Variants in PTPRD observed in about 807,000 individuals in gnomAD.
The protein encoded by PTPRD is receptor-type tyrosine-protein phosphatase delta.
In PTPRD, 34 loss-of-function variants were observed where a neutral mutation model predicts 214.5. The observed-to-expected ratio is 0.16, with a 90% CI of 0.12 to 0.21. The LOEUF (loss-of-function observed/expected upper bound fraction) is 0.21. PTPRD is among the 10% of genes least tolerant of loss of function. The pLI is 1.00. For synonymous variants in PTPRD, 1,128 were observed against 845.7 expected, an observed-to-expected ratio of 1.33 and a Z score of -5.79; for missense variants, 2,545 against 2,398.7, an observed-to-expected ratio of 1.06 and a Z score of -1.27.
intron 3 of PTPRD, among the ~76,000 whole-genome samples, chr9:10,283,419 A>G (rs1456367436): frequency 6.6e-6 from 1 of 152,228 alleles, no homozygotes; most frequent in Non-Finnish European, 1.5e-5. Flanking sequence ...CGAGGTCCTC[A>G]ACACGATAAG....
chr9:10,197,441 C>T (rs1396274778), intron 3 of PTPRD, among the ~76,000 whole-genome samples: 1 of 152,124 alleles, frequency 6.6e-6, no homozygotes, highest in Non-Finnish European at 1.5e-5. Context: ...ACATTAAAAA[C>T]TTTGCTTGGA....
In PTPRD at chr9:9,966,708, T is replaced by A. The variant is rs190409566; in HGVS notation, c.-471-28098A>T. Among the ~76,000 whole-genome samples the A allele has an allele frequency of 3.2e-4, 48 of 152,190 alleles. 1 individual carries two copies. Among genetic ancestry groups the A allele is most frequent in the African/African-American group, 8.4e-4 (35 of 41,538 alleles). On this transcript the variant is annotated intron_variant, in intron 4 of 45. Coordinates refer to ENST00000381196, the MANE Select transcript of PTPRD (RefSeq NM_002839.4). ...GTCCATCATATGAATGATGGCAGAT[T>A]TCAGTTGTACACTCCTTCGGTCAGT... is the stretch of plus-strand genomic sequence containing the variant.
chr9:8,996,167 T>C (rs935143823), intron 11 of PTPRD, among the ~76,000 whole-genome samples: 1 of 152,088 alleles, frequency 6.6e-6, no homozygotes, highest in African/African-American at 2.4e-5. Flanking sequence ...TATATTCAAA[T>C]GACTACAGCA....
chr9:10,372,124 A>C (rs2097637948), intron 2 of PTPRD, among the ~76,000 whole-genome samples: 1 of 152,096 alleles, frequency 6.6e-6, no homozygotes, highest in Admixed American at 6.6e-5. Flanking sequence ...AGAAGGAGAA[A>C]GAGAATAATT....
intron 3 of PTPRD, among the ~76,000 whole-genome samples, chr9:10,235,229 C>T (rs766298139): frequency 9.9e-5 from 15 of 151,870 alleles, no homozygotes; most frequent in Non-Finnish European, 1.8e-4. Flanking sequence ...TTTAGCTAAA[C>T]GGATTACATT....
intron 14 of PTPRD, among the ~76,000 whole-genome samples, chr9:8,562,512 C>T (rs1197295799): frequency 1.3e-5 from 2 of 151,990 alleles, no homozygotes; most frequent in Non-Finnish European, 2.9e-5. Context: ...TCTCAGCTCC[C>T]TGCAACCTCG....
At chr9:10,518,445 A>C (rs1289672379) in intron 2 of PTPRD, among the ~76,000 whole-genome samples, 2 of 152,216 alleles carry the variant, frequency 1.3e-5, no homozygotes, top group South Asian at 4.1e-4. Flanking sequence ...AGTGTGAAAT[A>C]AAGATGTTTC....
rs1274188381 is a variant in PTPRD at position 8,492,593 on chromosome 9, G to T, written c.2467+269C>A. ...CTTCATCCCCAGTGCTGGTAACAGT[G>T]CCTGACACACAGAAGGTGCTCAAAA... On this transcript the variant is annotated intron_variant, in intron 27 of 45. Coordinates refer to ENST00000381196, the MANE Select transcript of PTPRD (RefSeq NM_002839.4). 3.5e-5 allele frequency among the ~76,000 whole-genome samples: 5 copies of T among 141,014 alleles called. No individual in the cohort carries two copies. In the East Asian group the frequency reaches 1.0e-3, roughly 29 times the overall value. 92.5% of individuals were successfully genotyped at this position (141,014 alleles called of 152,430 possible).
At chr9:8,682,967 A>C (rs1381641981) in intron 12 of PTPRD, among the ~76,000 whole-genome samples, 1 of 152,148 alleles carries the variant, frequency 6.6e-6, no homozygotes, top group Non-Finnish European at 1.5e-5. Flanking sequence ...CAGGTTTCCC[A>C]AAAAAAGTGT....
intron 11 of PTPRD, among the ~76,000 whole-genome samples, chr9:8,824,890 T>C (rs1465552575): frequency 6.6e-6 from 1 of 152,232 alleles, no homozygotes; most frequent in Non-Finnish European, 1.5e-5. Context: ...GTAGTATTTT[T>C]CCCAGTTTTC....
At chr9:9,783,706 T>G (rs1160557703) in intron 5 of PTPRD, among the ~76,000 whole-genome samples, 2 of 151,924 alleles carry the variant, frequency 1.3e-5, no homozygotes, top group African/African-American at 4.8e-5. Context: ...GTTCCTCCCC[T>G]CCCAAGCCTT....
At chr9:9,981,965 C>A (rs1310581296) in intron 4 of PTPRD, among the ~76,000 whole-genome samples, 1 of 152,054 alleles carries the variant, frequency 6.6e-6, no homozygotes, top group East Asian at 1.9e-4. Context: ...GGGCATGACA[C>A]ATTATTAGGT....
intron 11 of PTPRD, among the ~76,000 whole-genome samples, chr9:8,843,208 T>A (rs2097598729): frequency 6.6e-6 from 1 of 152,258 alleles, no homozygotes; most frequent in African/African-American, 2.4e-5. Context: ...TGTTCCTTTA[T>A]TTGATTTCCA....
intron 7 of PTPRD, among the ~76,000 whole-genome samples, chr9:9,639,910 A>G (rs2095881260): frequency 6.6e-6 from 1 of 152,234 alleles, no homozygotes; most frequent in Non-Finnish European, 1.5e-5. Context: ...TGAAGAGATT[A>G]TAGGAAAAGA....
At chr9:9,313,277 T>C (rs1960208865) in intron 9 of PTPRD, among the ~76,000 whole-genome samples, 1 of 152,124 alleles carries the variant, frequency 6.6e-6, no homozygotes, top group Non-Finnish European at 1.5e-5. Context: ...TATAAATGTG[T>C]TGAAATATGT....
chr9:9,229,396 G>C (rs1271764016), intron 9 of PTPRD, among the ~76,000 whole-genome samples: 1 of 152,050 alleles, frequency 6.6e-6, no homozygotes, highest in Non-Finnish European at 1.5e-5. Context: ...AGGAAGAACA[G>C]CAATGCCTCA....
intron 11 of PTPRD, among the ~76,000 whole-genome samples, chr9:8,996,363 G>C (rs1272250414): frequency 6.6e-6 from 1 of 152,036 alleles, no homozygotes; most frequent in African/African-American, 2.4e-5. Context: ...AATGAAAGCA[G>C]CCAGAGTCAA....
chr9:8,772,011 C>A (rs2154485797), intron 11 of PTPRD, among the ~76,000 whole-genome samples: 1 of 152,080 alleles, frequency 6.6e-6, no homozygotes, highest in East Asian at 1.9e-4. Context: ...GATACCCCAC[C>A]TACCCTGATG....
chr9:10,339,077 A>G (rs919349691), intron 3 of PTPRD, among the ~76,000 whole-genome samples: 4 of 151,680 alleles, frequency 2.6e-5, no homozygotes, highest in African/African-American at 7.2e-5. Context: ...TCCAGGTGGT[A>G]TTGTTTAGCT....
Sources: gnomAD v4.1 joint callset for allele counts (sites outside exome capture counted in the v4.1 genomes callset) on GRCh38, gnomAD v4.1.1 for gene constraint, MANE v1.5 for transcripts, NCBI Gene and HGNC (gene_info 2026-07-23, HGNC 2026-07-21) for gene names.